The following TNRC6A variants were observed in gnomAD, a reference collection of about 807,000 sequenced individuals.
The protein encoded by TNRC6A is trinucleotide repeat-containing gene 6A protein.
TNRC6A carries 44 observed loss-of-function variants against 221.2 expected under a neutral mutation model. The ratio of observed to expected loss-of-function variants is 0.20; its 90% CI spans 0.16 to 0.26. The LOEUF is 0.26. Among genes scored for constraint, TNRC6A ranks in the 10% least tolerant of loss-of-function variants. The pLI is 1.00. For missense variants in TNRC6A, 2,199 were observed against 2,404.4 expected (o/e 0.91, Z 1.79); for synonymous variants, 847 against 838.5 (o/e 1.01, Z -0.18).
intron 2 of TNRC6A, among the ~76,000 whole-genome samples, chr16:24,722,029 G>A (rs1367420111): frequency 6.6e-6 from 1 of 152,178 alleles, no homozygotes; most frequent in East Asian, 1.9e-4. Context: ...CACTGAGAAG[G>A]GGCGCGAGGG....
intron 2 of TNRC6A, among the ~76,000 whole-genome samples, chr16:24,746,040 G>A (rs1180328015): frequency 1.3e-5 from 2 of 151,834 alleles, no homozygotes; most frequent in East Asian, 1.9e-4. Context: ...TCCATACTTC[G>A]CTTGTGCCCA....
intron 2 of TNRC6A, among the ~76,000 whole-genome samples, chr16:24,710,804 C>T (rs898534849): frequency 5.3e-5 from 8 of 151,924 alleles, no homozygotes; most frequent in African/African-American, 1.9e-4. Context: ...CTCCGCCTCC[C>T]GAGTTCAAGT....
chr16:24,771,190 CACTT>C (rs923721031), intron 4 of TNRC6A, among the ~76,000 whole-genome samples: 1 of 152,130 alleles, frequency 6.6e-6, no homozygotes, highest in Non-Finnish European at 1.5e-5. Flanking sequence ...ATTTTTAACT[CACTT>C]AAAATATTTG....
intron 1 of TNRC6A, among the ~76,000 whole-genome samples, chr16:24,640,137 C>T (rs1011347756): frequency 2.0e-5 from 3 of 152,196 alleles, no homozygotes; most frequent in African/African-American, 2.4e-5. Flanking sequence ...TAGTGGCTCA[C>T]GCCTATAATC....
intron 6 of TNRC6A, among the ~76,000 whole-genome samples, chr16:24,792,850 A>C (rs1200447634): frequency 6.9e-6 from 1 of 144,594 alleles, no homozygotes; most frequent in Non-Finnish European, 1.5e-5. Context: ...GTGCAGTGGC[A>C]TGATCTCGGT....
intron 2 of TNRC6A, among the ~76,000 whole-genome samples, chr16:24,692,675 T>C (rs1350094212): frequency 6.6e-6 from 1 of 152,044 alleles, no homozygotes; most frequent in Non-Finnish European, 1.5e-5. Flanking sequence ...ATTGTGCCAC[T>C]GCATTCCCAC....
Position 24,789,305 on chromosome 16 carries a change from T to C in TNRC6A, c.663T>C (p.Ser221=). The C allele has an allele frequency of 6.2e-7, 1 of 1,614,222 alleles. No individual in the cohort carries two copies. The highest frequency in any genetic ancestry group is 8.5e-7 in the Non-Finnish European group (1 of 1,180,022). Reference sequence around the variant, plus strand: ...GACCTGTGTCTTCTACAAGTGATTCTAGCACAAACTGTAAGAATGCTGTTG... The same window carrying C: ...GACCTGTGTCTTCTACAAGTGATTCCAGCACAAACTGTAAGAATGCTGTTG... ...QRGPVSSTSD[S]STNCKNAVVS... Residue 221 remains serine (S), a synonymous_variant, in exon 6 of 25, where the codon TCT becomes TCC. Transcript: ENST00000395799.
chr16:24,689,957 C>T (rs11864200), intron 2 of TNRC6A, among the ~76,000 whole-genome samples: 29,456 of 135,794 alleles, frequency 0.22, 5,011 homozygotes, highest in African/African-American at 0.46. Context: ...CATTATGTTG[C>T]CTAGGCTGGT....
intron 2 of TNRC6A, among the ~76,000 whole-genome samples, chr16:24,745,794 A>ACC (rs2056993708): frequency 8.0e-5 from 4 of 49,886 alleles, no homozygotes; most frequent in African/African-American, 1.7e-4. Flanking sequence ...GGTATGTACC[A>ACC]TCCCCCCCCC....
At chr16:24,615,149 G>A (rs957922258) in intron 1 of TNRC6A, among the ~76,000 whole-genome samples, 2 of 152,080 alleles carry the variant, frequency 1.3e-5, no homozygotes, top group African/African-American at 4.8e-5. Context: ...ATGTGTAAGA[G>A]GTAGAAATAA....
chr16:24,787,257 A>G (rs960542296), intron 5 of TNRC6A, among the ~76,000 whole-genome samples: 14 of 152,228 alleles, frequency 9.2e-5, no homozygotes, highest in African/African-American at 3.1e-4. Flanking sequence ...TTGGTCATAC[A>G]GAGTCCAGAC....
chr16:24,647,210 G>T (rs1902341401), intron 2 of TNRC6A, among the ~76,000 whole-genome samples: 1 of 152,154 alleles, frequency 6.6e-6, no homozygotes, highest in African/African-American at 2.4e-5. Flanking sequence ...GGGATTACAG[G>T]TGTGAGCCAC....
intron 2 of TNRC6A, among the ~76,000 whole-genome samples, chr16:24,682,693 C>T (rs1043487239): frequency 5.9e-5 from 9 of 152,006 alleles, no homozygotes; most frequent in African/African-American, 2.2e-4. Context: ...AGAGGGCCAC[C>T]GAGGTGGGAA....
intron 2 of TNRC6A, among the ~76,000 whole-genome samples, chr16:24,714,499 G>A (rs1186183579): frequency 6.6e-6 from 1 of 151,408 alleles, no homozygotes; most frequent in African/African-American, 2.4e-5. Context: ...GAGATGGGGG[G>A]TTTCACTGTG....
At chr16:24,640,651 C>T (rs1487207367) in intron 1 of TNRC6A, among the ~76,000 whole-genome samples, 1 of 151,278 alleles carries the variant, frequency 6.6e-6, no homozygotes, top group African/African-American at 2.4e-5. Context: ...ATCGCCTGAG[C>T]CCGGGAGGCG....
At chr16:24,672,330 G>A (rs568236009) in intron 2 of TNRC6A, among the ~76,000 whole-genome samples, 2 of 152,004 alleles carry the variant, frequency 1.3e-5, no homozygotes, top group Non-Finnish European at 2.9e-5. Flanking sequence ...GGGTTTCACC[G>A]TGTTAGCCAG....
intron 2 of TNRC6A, among the ~76,000 whole-genome samples, chr16:24,712,506 C>T (rs904671248): frequency 6.6e-6 from 1 of 152,118 alleles, no homozygotes; most frequent in African/African-American, 2.4e-5. Flanking sequence ...CGCCTCAGTA[C>T]ATTTGTATTA....
rs2058831497 is a variant in TNRC6A at position 24,824,280 on chromosome 16, C to G, written c.*473C>G. On this transcript the variant is annotated 3_prime_UTR_variant, in exon 25 of 25. Coordinates refer to ENST00000395799, the MANE Select transcript of TNRC6A (RefSeq NM_014494.4). ...GTGTCAATGTTTACTCAAGGGTGTT[C>G]TTAGGAGGCGTGCGCTCTCTACTAT... 2 of 152,808 alleles carry G rather than the reference C, an allele frequency of 1.3e-5. No homozygotes were observed. Among genetic ancestry groups the G allele is most frequent in the Admixed American group, 1.3e-4 (2 of 15,272 alleles). The allele number at this position is 152,808 out of a possible 1,614,324, so 9.5% of individuals were successfully genotyped here.
At chr16:24,629,027 A>G (rs1003621666) in intron 1 of TNRC6A, among the ~76,000 whole-genome samples, 1 of 152,208 alleles carries the variant, frequency 6.6e-6, no homozygotes, top group African/African-American at 2.4e-5. Flanking sequence ...CTAACATGCA[A>G]TTTATTAAAG....
Sources: gnomAD v4.1 joint callset for allele counts (sites outside exome capture counted in the v4.1 genomes callset) on GRCh38, gnomAD v4.1.1 for gene constraint, MANE v1.5 for transcripts, NCBI Gene and HGNC (gene_info 2026-07-23, HGNC 2026-07-21) for gene names.